Variants in CCDC70 observed in about 807,000 individuals in gnomAD.
CCDC70 encodes coiled-coil domain-containing protein 70.
Under a neutral mutation model 9.1 loss-of-function variants are expected in CCDC70, and 4 were observed. That is an observed-to-expected ratio of 0.44 (90% CI 0.22 to 1.00). CCDC70 has a LOEUF of 1.00. CCDC70 is among the 50% of genes least tolerant of loss of function. The pLI is 0.25. For synonymous variants in CCDC70, 119 were observed against 94.0 expected (o/e 1.27, Z -1.54); for missense variants, 308 against 271.3 (o/e 1.14, Z -0.95).
rs1956414087 is a variant in CCDC70 at position 51,865,500 on chromosome 13, T to C, written c.89T>C (p.Leu30Pro). 4 of 1,614,072 alleles carry C rather than the reference T, an allele frequency of 2.5e-6. No individual in the cohort carries two copies. Among genetic ancestry groups the C allele is most frequent in the Non-Finnish European group, 3.4e-6 (4 of 1,180,040 alleles). ...TCTCCCAGTATTCGCCAGAAGAAAC[T>C]AATGCACAAGCTGCAGGAGGAAAAG... is the stretch of plus-strand genomic sequence containing the variant. ...ASSPSIRQKK[L>P]MHKLQEEKAF... is the part of the protein sequence containing the mutation. Residue 30 changes from leucine to proline, a missense_variant, in exon 2 of 2, where the codon CTA (leucine) becomes CCA (proline). Coordinates refer to ENST00000242819, the MANE Select transcript of CCDC70 (RefSeq NM_031290.4).
intron 1 of CCDC70, among the ~76,000 whole-genome samples, chr13:51,863,768 T>C (rs1211082559): frequency 1.3e-5 from 2 of 150,864 alleles, no homozygotes; most frequent in East Asian, 3.9e-4. Context: ...AATGGAAAAA[T>C]ACAGAGAAAG....
chr13:51,865,305 G>GAT (rs1414772896), intron 1 of CCDC70, 27 bp from the exon 2 acceptor site: 1 of 1,265,370 alleles, frequency 7.9e-7, no homozygotes, highest in African/African-American at 1.5e-5. Context: ...GATACTCATA[G>GAT]ATCTGTCTTT....
At position 51,865,540 on chromosome 13, in the gene CCDC70, G is replaced by C. The variant is rs2051104654; in HGVS notation, c.129G>C (p.Glu43Asp). The change falls in exon 2 of 2, where the codon GAG becomes GAC. Residue 43 changes from glutamate (E) to aspartate (D), a missense_variant. Glu to Asp is a conservative substitution (Grantham distance 45). Transcript: ENST00000242819. Reference sequence around the variant, plus strand: ...AGGAGGAAAAGGCTTTTCGCGAAGAGATGAAAATTTTTCGTGAAAAAATAG... The same window carrying C: ...AGGAGGAAAAGGCTTTTCGCGAAGACATGAAAATTTTTCGTGAAAAAATAG... ...KLQEEKAFRE[E>D]MKIFREKIED... is the part of the protein sequence containing the mutation. 2 of 1,614,252 alleles carry C rather than the reference G, an allele frequency of 1.2e-6. No homozygotes were observed. Among genetic ancestry groups the C allele is most frequent in the Non-Finnish European group, 1.7e-6 (2 of 1,180,054 alleles).
intron 1 of CCDC70, among the ~76,000 whole-genome samples, chr13:51,864,253 C>T (rs867048673): frequency 4.6e-5 from 7 of 151,900 alleles, no homozygotes; most frequent in African/African-American, 1.2e-4. Flanking sequence ...CACATGAAAC[C>T]GCCACCAAGC....
Position 51,866,115 on chromosome 13 carries a change from TC to T in CCDC70, c.*39del. On this transcript the variant is annotated 3_prime_UTR_variant, in exon 2 of 2. Transcript: ENST00000242819. ...AGGTGCAGGGCCCTGTGGTCCAGAC[TC>T]CCCTGGGTTGGGATTCAAGTCCAGG... 6.7e-7 allele frequency: 1 copy of T among 1,502,468 alleles called. No individual in the cohort carries two copies. The highest frequency in any genetic ancestry group is 2.3e-5 in the East Asian group (1 of 43,776). 93.1% of individuals were successfully genotyped at this position (1,502,468 alleles called of 1,614,324 possible).
chr13:51,862,638 G>A (rs529123663), intron 1 of CCDC70, among the ~76,000 whole-genome samples: 44 of 152,276 alleles, frequency 2.9e-4, no homozygotes, highest in African/African-American at 1.0e-3. Flanking sequence ...GGGACAGGAA[G>A]GGCACATGCT....
Position 51,865,724 on chromosome 13 carries a change from G to C in CCDC70, c.313G>C (p.Glu105Gln). The C allele has an allele frequency of 6.2e-7, 1 of 1,614,146 alleles. No homozygotes were observed. Among genetic ancestry groups the C allele is most frequent in the Non-Finnish European group, 8.5e-7 (1 of 1,180,026 alleles). Reference sequence around the variant, plus strand: ...CTGGGAAATGGAAAAGTCTTTCAGGGAGGAAGAGAAAACTTTCTGGAAAAA... The same window carrying C: ...CTGGGAAATGGAAAAGTCTTTCAGGCAGGAAGAGAAAACTTTCTGGAAAAA... ...SFWEMEKSFREEEKTFWKKYR... is the reference protein window; with the variant it reads ...SFWEMEKSFRQEEKTFWKKYR... The change falls in exon 2 of 2, where the codon GAG becomes CAG. Residue 105 changes from glutamate (E) to glutamine (Q), a missense_variant. Transcript: ENST00000242819.
At position 51,865,965 on chromosome 13, in the gene CCDC70, G is replaced by C. The variant is rs772442318; in HGVS notation, c.554G>C (p.Arg185Thr). The change falls in exon 2 of 2, where the codon AGG (arginine) becomes ACG (threonine). Residue 185 changes from arginine (R) to threonine (T), a missense_variant. Physicochemically the swap from Arg to Thr is moderately conservative, Grantham distance 71. Transcript: ENST00000242819. ...GAGAATGCCCTCTGGGAGGAAGAGAGGGCCTTCTGGATGGAGAACAATGGC... is the reference window on the plus strand; with the variant it reads ...GAGAATGCCCTCTGGGAGGAAGAGACGGCCTTCTGGATGGAGAACAATGGC... ...EEENALWEEE[R>T]AFWMENNGHI... 7 of 1,614,056 alleles carry C rather than the reference G, an allele frequency of 4.3e-6. No individual in the cohort carries two copies. Among genetic ancestry groups the C allele is most frequent in the African/African-American group, 1.3e-5 (1 of 75,038 alleles).
chr13:51,862,607 G>A (rs574784119), intron 1 of CCDC70, among the ~76,000 whole-genome samples: 5 of 152,138 alleles, frequency 3.3e-5, no homozygotes, highest in Non-Finnish European at 7.3e-5. Context: ...ACATAGAGAT[G>A]GAAGATGAGG....
In CCDC70 at chr13:51,865,669, GA is replaced by G. The variant is rs1956416779; in HGVS notation, c.262del (p.Thr88ProfsTer67). On this transcript the variant is annotated frameshift_variant, in exon 2 of 2. Coordinates refer to ENST00000242819, the MANE Select transcript of CCDC70 (RefSeq NM_031290.4). LOFTEE classifies it high-confidence loss of function. ...EEERPFWEEE[K>X]TFWKEEKSFW... is the part of the protein sequence containing the mutation. ...AGGAGAGACCTTTCTGGGAAGAGGA[GA>G]AAACCTTCTGGAAAGAGGAAAAATC... 7 of 1,614,232 alleles carry G rather than the reference GA, an allele frequency of 4.3e-6. No homozygotes were observed. The East Asian group carries it at 1.6e-4, about 36-fold the overall frequency.
In CCDC70 at chr13:51,866,033, G is replaced by A. The variant is rs763610730; in HGVS notation, c.622G>A (p.Ala208Thr). Reference protein sequence around the residue: ...EQMLEDGPHNANRGQRLLAFS... With the variant: ...EQMLEDGPHNTNRGQRLLAFS... ...GATGCTCGAAGATGGGCCCCACAAC[G>A]CCAACAGAGGGCAGCGCTTGCTGGC... is the stretch of plus-strand genomic sequence containing the variant. The change falls in exon 2 of 2, where the codon GCC becomes ACC. Residue 208 changes from alanine to threonine, a missense_variant. Physicochemically the swap from Ala to Thr is moderately conservative, Grantham distance 58. Coordinates refer to ENST00000242819, the MANE Select transcript of CCDC70 (RefSeq NM_031290.4). The A allele has an allele frequency of 1.5e-5, 24 of 1,605,898 alleles. No individual in the cohort carries two copies. The highest frequency in any genetic ancestry group is 8.9e-5 in the East Asian group (4 of 44,856).
chr13:51,864,651 C>T (rs937235808), intron 1 of CCDC70, among the ~76,000 whole-genome samples: 1 of 152,182 alleles, frequency 6.6e-6, no homozygotes, highest in Admixed American at 6.5e-5. Flanking sequence ...AACAAAGCTC[C>T]TTGAACACAC....
rs758178243 is a variant in CCDC70 at position 51,865,709 on chromosome 13, GAA to G, written c.301_302del (p.Lys101ValfsTer21). ...WKEEKSFWEM[E>X]KSFREEEKTF... Reference sequence around the variant, plus strand: ...AGAGGAAAAATCCTTCTGGGAAATGGAAAAGTCTTTCAGGGAGGAAGAGAAAA... The same window carrying G: ...AGAGGAAAAATCCTTCTGGGAAATGGAAGTCTTTCAGGGAGGAAGAGAAAA... On this transcript the variant is annotated frameshift_variant, in exon 2 of 2. Coordinates refer to ENST00000242819, the MANE Select transcript of CCDC70 (RefSeq NM_031290.4). LOFTEE classifies it high-confidence loss of function. 2 of 1,614,206 alleles carry G rather than the reference GAA, an allele frequency of 1.2e-6. No homozygotes were observed. The highest frequency in any genetic ancestry group is 1.6e-4 in the Middle Eastern group (1 of 6,062).
chr13:51,862,605 A>G (rs1956390413), intron 1 of CCDC70, among the ~76,000 whole-genome samples: 1 of 152,070 alleles, frequency 6.6e-6, no homozygotes, highest in Non-Finnish European at 1.5e-5. Flanking sequence ...AGACATAGAG[A>G]TGGAAGATGA....
intron 1 of CCDC70, among the ~76,000 whole-genome samples, 154 bp from the exon 2 acceptor site, chr13:51,865,178 C>T (rs1401878448): frequency 6.6e-6 from 1 of 152,202 alleles, no homozygotes; most frequent in Non-Finnish European, 1.5e-5. Context: ...CCATGACCAC[C>T]CCACATGTTT....
chr13:51,865,362 G>T lies in CCDC70; in HGVS notation c.-50G>T. ...GACCAGCCGACCTGGACCTGGCCAA[G>T]GGTCCTGTCATCCCTCATGGCCACC... On this transcript the variant is annotated 5_prime_UTR_variant, in exon 2 of 2. It adds an upstream start codon to the 5' untranslated region. Coordinates refer to ENST00000242819, the MANE Select transcript of CCDC70 (RefSeq NM_031290.4). 6.4e-7 allele frequency: 1 copy of T among 1,561,300 alleles called. No homozygotes were observed. The highest frequency in any genetic ancestry group is 1.2e-5 in the South Asian group (1 of 81,960).
At chr13:51,864,294 CCTCT>C (rs1956403986) in intron 1 of CCDC70, among the ~76,000 whole-genome samples, 2 of 152,144 alleles carry the variant, frequency 1.3e-5, no homozygotes, top group African/African-American at 4.8e-5. Flanking sequence ...ACTGCAGAAG[CCTCT>C]CTCAAGTACT....
intron 1 of CCDC70, among the ~76,000 whole-genome samples, chr13:51,865,050 T>A (rs1956409647): frequency 6.6e-6 from 1 of 152,214 alleles, no homozygotes; most frequent in Admixed American, 6.5e-5. Flanking sequence ...CTTGGCCTCA[T>A]CATGTCACAC....
rs201318339 is a variant in CCDC70, at chr13:51,865,904, G to A, written c.493G>A (p.Ala165Thr). 1 of 1,613,946 alleles carries A rather than the reference G, an allele frequency of 6.2e-7. No individual in the cohort carries two copies. Among genetic ancestry groups the A allele is most frequent in the East Asian group, 2.2e-5 (1 of 44,876 alleles). The change falls in exon 2 of 2, where the codon GCC becomes ACC. Residue 165 changes from alanine (A) to threonine (T), a missense_variant. Ala to Thr is a moderately conservative substitution (Grantham distance 58, BLOSUM62 0). Coordinates refer to ENST00000242819, the MANE Select transcript of CCDC70 (RefSeq NM_031290.4). Reference protein sequence around the residue: ...EERALLEGEKALWEDKTSLWE... With the variant: ...EERALLEGEKTLWEDKTSLWE... ...AAGAGCCCTCCTTGAGGGGGAGAAA[G>A]CCCTGTGGGAAGATAAAACGTCCCT...
Sources: allele counts gnomAD v4.1 joint callset (sites outside exome capture counted in the v4.1 genomes callset), GRCh38; gene constraint gnomAD v4.1.1; transcripts MANE v1.5; gene names NCBI Gene and HGNC (gene_info 2026-07-23, HGNC 2026-07-21).